The following PBRM1 variants were observed in gnomAD, a reference collection of about 807,000 sequenced individuals.
PBRM1 encodes the protein polybromo 1.
Under a neutral mutation model 194.5 loss-of-function variants are expected in PBRM1, and 27 were observed. That is an observed-to-expected ratio of 0.14 (90% confidence interval 0.10 to 0.19). PBRM1 has a LOEUF of 0.19. Among genes scored for constraint, PBRM1 ranks in the 10% least tolerant of loss-of-function variants. The pLI, the probability that PBRM1 is intolerant of heterozygous loss-of-function variation, is 1.00. For missense variants in PBRM1, 1,466 were observed against 2,077.2 expected (o/e 0.71, Z 5.72); for synonymous variants, 655 against 693.2 (o/e 0.94, Z 0.87).
At chr3:52,628,422 T>C (rs1481110553) in intron 12 of PBRM1, among the ~76,000 whole-genome samples, 1 of 148,360 alleles carries the variant, frequency 6.7e-6, no homozygotes, top group East Asian at 1.9e-4. Context: ...ATATATATTA[T>C]AATACATAAG....
chr3:52,599,655 C>CA (rs71615864), intron 17 of PBRM1, among the ~76,000 whole-genome samples: 191 of 123,002 alleles, frequency 1.6e-3, no homozygotes, highest in East Asian at 2.6e-3. Context: ...ACTAAAAATA[C>CA]AAAAAAAAAA....
At chr3:52,573,919 G>A (rs1021260919) in intron 22 of PBRM1, among the ~76,000 whole-genome samples, 1 of 152,128 alleles carries the variant, frequency 6.6e-6, no homozygotes, top group Non-Finnish European at 1.5e-5. Flanking sequence ...GGTGATAGAG[G>A]AAGCAAAACA....
At chr3:52,677,648 G>A (rs529829888) in intron 2 of PBRM1, among the ~76,000 whole-genome samples, 69 of 151,968 alleles carry the variant, frequency 4.5e-4, no homozygotes, top group Middle Eastern at 3.4e-3. Flanking sequence ...GCTGACCTCA[G>A]CTGATCCACC....
chr3:52,581,467 G>A (rs72947580), intron 20 of PBRM1, among the ~76,000 whole-genome samples: 10,821 of 149,744 alleles, frequency 0.072, 932 homozygotes, highest in African/African-American at 0.21. Context: ...CCGAGATTGT[G>A]CCGCTATACT....
upstream of PBRM1, among the ~76,000 whole-genome samples, chr3:52,682,921 T>C (rs34157897): frequency 0.46 from 69,159 of 151,872 alleles, 16,099 homozygotes; most frequent in African/African-American, 0.52. Context: ...AAAATTTAGC[T>C]GGGTGCGGTG....
intron 10 of PBRM1, among the ~76,000 whole-genome samples, chr3:52,641,446 C>CAAAAAAAAAAAAAAAAAAAAAAA (rs386396638): frequency 1.4e-5 from 1 of 69,958 alleles, no homozygotes; most frequent in Non-Finnish European, 2.6e-5. Context: ...GACTCCATCT[C>CAAAAAAAAAAAAAAAAAAAAAAA]AAAAAAAAAA....
intron 16 of PBRM1, among the ~76,000 whole-genome samples, chr3:52,605,700 T>C (rs192728029): frequency 3.3e-5 from 5 of 151,324 alleles, no homozygotes; most frequent in African/African-American, 1.2e-4. Context: ...CCTCCCAGGT[T>C]CAAGCGATTC....
rs72947581 is a variant in PBRM1, at chr3:52,582,674, C to T, written c.3388-3475G>A. On this transcript the variant is annotated intron_variant, in intron 20 of 29. Transcript: ENST00000296302. ...AATTATTTTATGATTCCAACACATT[C>T]CCATACTGATAAAATATAAAAAATC... Among the ~76,000 whole-genome samples, 1,248 of 152,154 alleles carry T rather than the reference C, an allele frequency of 8.2e-3. 23 individuals carry two copies. Among genetic ancestry groups the T allele is most frequent in the African/African-American group, 0.029 (1,191 of 41,526 alleles).
intron 17 of PBRM1, among the ~76,000 whole-genome samples, chr3:52,598,936 C>T (rs187331731): frequency 2.9e-4 from 43 of 150,816 alleles, no homozygotes; most frequent in Non-Finnish European, 7.4e-5. Context: ...GCAGGAGAAT[C>T]GCTGGAACCT....
chr3:52,660,947 T>C (rs2096710793), intron 4 of PBRM1, among the ~76,000 whole-genome samples: 1 of 152,252 alleles, frequency 6.6e-6, no homozygotes, highest in African/African-American at 2.4e-5. Flanking sequence ...AATGTGCTTC[T>C]CACAATTTAG....
At chr3:52,628,250 G>T (rs905373618) in intron 12 of PBRM1, among the ~76,000 whole-genome samples, 16 of 151,426 alleles carry the variant, frequency 1.1e-4, no homozygotes, top group African/African-American at 3.2e-4. Flanking sequence ...TGATTGCAGG[G>T]TGACTTCATG....
At chr3:52,608,208 C>G in intron 16 of PBRM1, among the ~76,000 whole-genome samples, 1 of 152,200 alleles carries the variant, frequency 6.6e-6, no homozygotes, top group Non-Finnish European at 1.5e-5. Flanking sequence ...GGCCGTGCTC[C>G]ATGACTTGTC....
chr3:52,669,663 ATTCTT>A (rs2096908989), intron 2 of PBRM1, among the ~76,000 whole-genome samples: 1 of 152,228 alleles, frequency 6.6e-6, no homozygotes, highest in Admixed American at 6.5e-5. Context: ...GGTTATAGCC[ATTCTT>A]TTATTACGTA....
intron 24 of PBRM1, among the ~76,000 whole-genome samples, chr3:52,562,251 C>T (rs1385236972): frequency 2.0e-5 from 3 of 151,510 alleles, no homozygotes; most frequent in Non-Finnish European, 4.4e-5. Flanking sequence ...GGCGTGAACC[C>T]GGGAGACGGA....
intron 22 of PBRM1, among the ~76,000 whole-genome samples, chr3:52,569,302 C>T (rs57246324): frequency 0.073 from 11,034 of 151,834 alleles, 962 homozygotes; most frequent in African/African-American, 0.21. Flanking sequence ...GCTCCGCCTC[C>T]CCGGTTCACC....
Position 52,645,330 on chromosome 3 carries a change from C to CT in PBRM1, c.814-542dup, listed in dbSNP as rs556861073. Reference sequence around the variant, plus strand: ...CAGATTCATCTTTTTTTCTTTCTTTCTTTTTTTTTTTTGGTGGAGACAGAG... The same window carrying CT: ...CAGATTCATCTTTTTTTCTTTCTTTCTTTTTTTTTTTTTGGTGGAGACAGAG... On this transcript the variant is annotated intron_variant, in intron 7 of 29. Transcript: ENST00000296302. Among the ~76,000 whole-genome samples, 103 of 141,254 alleles carry CT rather than the reference C, an allele frequency of 7.3e-4. 1 individual carries two copies. Among genetic ancestry groups the CT allele is most frequent in the South Asian group, 1.1e-3 (5 of 4,416 alleles). The allele number at this position is 141,254 out of a possible 152,430, so 92.7% of individuals were successfully genotyped here.
chr3:52,586,744 C>T, intron 19 of PBRM1, 56 bp from the exon 22 acceptor site: 1 of 150,562 alleles, frequency 6.6e-6, no homozygotes, highest in Non-Finnish European at 1.1e-5. Flanking sequence ...TTCTGAAAAT[C>T]AATCAAAAAA....
At chr3:52,555,004 C>T in intron 26 of PBRM1, 125 bp from the exon 29 acceptor site, 1 of 653,602 alleles carries the variant, frequency 1.5e-6, no homozygotes, top group Non-Finnish European at 2.6e-6. Flanking sequence ...GATATAACAG[C>T]AATTAGTGCA....
chr3:52,576,465 C>G (rs1306385032), intron 22 of PBRM1, 76 bp downstream of exon 24: 1 of 1,155,218 alleles, frequency 8.7e-7, no homozygotes, highest in South Asian at 1.6e-5. Flanking sequence ...ACACCTAGAA[C>G]AGTGCCCCAC....
Sources: allele counts gnomAD v4.1 joint callset (sites outside exome capture counted in the v4.1 genomes callset), GRCh38; gene constraint gnomAD v4.1.1; transcripts MANE v1.5; gene names NCBI Gene and HGNC (gene_info 2026-07-23, HGNC 2026-07-21).